Variants in USP8 observed in about 807,000 individuals in gnomAD.
USP8 encodes ubiquitin carboxyl-terminal hydrolase 8.
Under a neutral mutation model 130.0 loss-of-function variants are expected in USP8, and 27 were observed. The observed-to-expected ratio is 0.21, with a 90% confidence interval of 0.15 to 0.29. USP8 has a LOEUF of 0.29. Among genes scored for constraint, USP8 ranks in the 10% least tolerant of loss-of-function variants. The pLI, the probability that USP8 is intolerant of heterozygous loss-of-function variation, is 1.00. For missense variants in USP8, 1,029 were observed against 1,312.2 expected, an observed-to-expected ratio of 0.78 and a Z score of 3.33; for synonymous variants, 392 against 444.1, an observed-to-expected ratio of 0.88 and a Z score of 1.48.
intron 18 of USP8, chr15:50,497,629 G>C (rs1219584948): frequency 6.5e-6 from 1 of 152,774 alleles, no homozygotes; most frequent in African/African-American, 2.4e-5. Flanking sequence ...GATAAAATAT[G>C]TTAACGATAC....
chr15:50,481,375 G>A (rs1406806606), intron 10 of USP8, 106 bp from the exon 11 acceptor site: 1 of 778,206 alleles, frequency 1.3e-6, no homozygotes. Flanking sequence ...GCTGATAGAT[G>A]TTGTCTCCAC....
At chr15:50,494,869 G>C (rs1287573027) in intron 16 of USP8, among the ~76,000 whole-genome samples, 1 of 152,098 alleles carries the variant, frequency 6.6e-6, no homozygotes, top group African/African-American at 2.4e-5. Context: ...ACAAAAATTG[G>C]CTGGGTGTAG....
chr15:50,443,477 GT>G (rs1453798350), intron 3 of USP8, among the ~76,000 whole-genome samples: 2 of 150,966 alleles, frequency 1.3e-5, no homozygotes, highest in Non-Finnish European at 3.0e-5. Flanking sequence ...TAGTTACTAG[GT>G]TTTTTTTGTT....
At chr15:50,436,219 C>A (rs1488420846) in intron 1 of USP8, among the ~76,000 whole-genome samples, 2 of 151,862 alleles carry the variant, frequency 1.3e-5, no homozygotes, top group Non-Finnish European at 2.9e-5. Context: ...CCATGTAGAT[C>A]TTTGTTCATT....
At chr15:50,481,377 T>G in intron 10 of USP8, 104 bp from the exon 11 acceptor site, 5 of 789,560 alleles carry the variant, frequency 6.3e-6, no homozygotes, top group Non-Finnish European at 9.4e-6. Flanking sequence ...TGATAGATGT[T>G]GTCTCCACAA....
rs1390823615 is a variant in USP8 at position 50,511,236 on chromosome 15, C to G, written c.*12148C>G. ...ACCATGACATACCAGTTCATACCTA[C>G]TTTGTATGGGATAGAATAAAAAATG... On this transcript the variant is annotated 3_prime_UTR_variant, in exon 20 of 20. Coordinates refer to ENST00000307179, the MANE Select transcript of USP8 (RefSeq NM_005154.5). 1.3e-5 allele frequency: 2 copies of G among 152,162 alleles called. No homozygotes were observed. The highest frequency in any genetic ancestry group is 3.8e-4 in the East Asian group (2 of 5,200). The allele number at this position is 152,162 out of a possible 1,614,324, so 9.4% of individuals were successfully genotyped here.
chr15:50,435,130 A>G (rs2050056966), intron 1 of USP8, among the ~76,000 whole-genome samples: 1 of 152,182 alleles, frequency 6.6e-6, no homozygotes, highest in Non-Finnish European at 1.5e-5. Flanking sequence ...AATATATTTT[A>G]TGTCAGTCTA....
Position 50,493,742 on chromosome 15 carries a change from T to TATC in USP8, c.2448-327_2448-325dup, listed in dbSNP as rs552762833. Reference sequence around the variant, plus strand: ...CAGCCTGGGTGACAGAATGAGACCCTATCTCAAAAAAGAGTAAAGCCTTCT... The same window carrying TATC: ...CAGCCTGGGTGACAGAATGAGACCCTATCATCTCAAAAAAGAGTAAAGCCTTCT... On this transcript the variant is annotated intron_variant, in intron 15 of 19. Coordinates refer to ENST00000307179, the MANE Select transcript of USP8 (RefSeq NM_005154.5). The TATC allele has an allele frequency of 7.0e-4, 281 of 400,568 alleles. 1 individual carries two copies. The highest frequency in any genetic ancestry group is 1.3e-3 in the Non-Finnish European group (272 of 210,040). 24.8% of individuals were successfully genotyped at this position (400,568 alleles called of 1,614,324 possible). A position where few individuals can be genotyped will look rare whatever the true frequency, so the allele number is the denominator to read the frequency against.
At chr15:50,452,656 G>A (rs11634832) in intron 4 of USP8, among the ~76,000 whole-genome samples, 1 of 152,056 alleles carries the variant, frequency 6.6e-6, no homozygotes, top group Non-Finnish European at 1.5e-5. Context: ...GACTCCCTGG[G>A]TATGGATCCC....
rs779634864 is a variant in USP8 at position 50,471,900 on chromosome 15, GC to G, written c.849+107del. The G allele has an allele frequency of 4.2e-5, 49 of 1,157,666 alleles. No individual in the cohort carries two copies. The East Asian group carries it at 5.5e-4, about 13-fold the overall frequency. The allele number at this position is 1,157,666 out of a possible 1,614,324, so 71.7% of individuals were successfully genotyped here. The stretch of plus-strand genomic sequence containing the variant: ...TCTTAAATACTAAAAGATTCATCAT[GC>G]CTTTTTTTTTTTTTTTTGAGACTGA... On this transcript the variant is annotated intron_variant, in intron 8 of 19. Transcript: ENST00000307179.
Position 50,501,998 on chromosome 15 carries a change from T to G in USP8, c.*2910T>G, listed in dbSNP as rs1247928592. 1 of 152,240 alleles carries G rather than the reference T, an allele frequency of 6.6e-6. No homozygotes were observed. The highest frequency in any genetic ancestry group is 1.5e-5 in the Non-Finnish European group (1 of 68,044). 9.4% of individuals were successfully genotyped at this position (152,240 alleles called of 1,614,324 possible). A position where few individuals can be genotyped will look rare whatever the true frequency, so the allele number is the denominator to read the frequency against. Reference sequence around the variant, plus strand: ...ATGATACAACAGTAAAACTGAATAGTTGCAGCCAATACCATATGGCTTATG... The same window carrying G: ...ATGATACAACAGTAAAACTGAATAGGTGCAGCCAATACCATATGGCTTATG... On this transcript the variant is annotated 3_prime_UTR_variant, in exon 20 of 20. Coordinates refer to ENST00000307179, the MANE Select transcript of USP8 (RefSeq NM_005154.5).
chr15:50,490,044 C>G (rs2052101697), intron 13 of USP8, among the ~76,000 whole-genome samples, 163 bp downstream of exon 13: 1 of 152,096 alleles, frequency 6.6e-6, no homozygotes, highest in Non-Finnish European at 1.5e-5. Flanking sequence ...CAATACCCAA[C>G]CTGAGATGCT....
At position 50,496,085 on chromosome 15, in the gene USP8, G is replaced by GTAAGT. The variant is rs771759595; in HGVS notation, c.2895+3_2895+7dup. 6.3e-7 allele frequency: 1 copy of GTAAGT among 1,597,742 alleles called. No individual in the cohort carries two copies. Among genetic ancestry groups the GTAAGT allele is most frequent in the African/African-American group, 1.3e-5 (1 of 74,352 alleles). On this transcript the variant is annotated splice_donor_variant, in intron 17 of 19. Coordinates refer to ENST00000307179, the MANE Select transcript of USP8 (RefSeq NM_005154.5). LOFTEE classifies it high-confidence loss of function. ...ATCCACAAGTAAATGTACATTACAG[G>GTAAGT]TAAGTTTAAGAAGTAGAGAGAAAAT...
rs1346953645 is a variant in USP8 at position 50,441,233 on chromosome 15, T to C, written c.105-116T>C. On this transcript the variant is annotated intron_variant, in intron 2 of 19. Coordinates refer to ENST00000307179, the MANE Select transcript of USP8 (RefSeq NM_005154.5). Reference sequence around the variant, plus strand: ...ATAACAGGCCGTGAACCAGTACCAATCTGTGGCCCTGGGGTTGGGGATCCC... The same window carrying C: ...ATAACAGGCCGTGAACCAGTACCAACCTGTGGCCCTGGGGTTGGGGATCCC... 4 of 991,096 alleles carry C rather than the reference T, an allele frequency of 4.0e-6. No individual in the cohort carries two copies. The Admixed American group carries it at 1.4e-4, about 34-fold the overall frequency. 61.4% of individuals were successfully genotyped at this position (991,096 alleles called of 1,614,324 possible). A position where few individuals can be genotyped will look rare whatever the true frequency, so the allele number is the denominator to read the frequency against.
Position 50,471,891 on chromosome 15 carries a change from A to T in USP8, c.849+96A>T, listed in dbSNP as rs559533344. ...AGTTGTTTATCTTAAATACTAAAAG[A>T]TTCATCATGCCTTTTTTTTTTTTTT... is the stretch of plus-strand genomic sequence containing the variant. On this transcript the variant is annotated intron_variant, in intron 8 of 19. Coordinates refer to ENST00000307179, the MANE Select transcript of USP8 (RefSeq NM_005154.5). 2.1e-4 allele frequency: 246 copies of T among 1,190,164 alleles called. 3 individuals are homozygous for T. In the South Asian group the frequency reaches 2.8e-3, roughly 14 times the overall value. 73.7% of individuals were successfully genotyped at this position (1,190,164 alleles called of 1,614,324 possible). A position where few individuals can be genotyped will look rare whatever the true frequency, so the allele number is the denominator to read the frequency against.
chr15:50,498,291 T>C (rs891345048), intron 18 of USP8: 1 of 223,810 alleles, frequency 4.5e-6, no homozygotes, highest in African/African-American at 2.3e-5. Flanking sequence ...ATTATAAACA[T>C]GTGGGTCTTA....
At chr15:50,476,756 C>T (rs1004031934) in intron 8 of USP8, 93 bp from the exon 9 acceptor site, 106 of 1,355,112 alleles carry the variant, frequency 7.8e-5, no homozygotes, top group Middle Eastern at 2.4e-4. Flanking sequence ...TAAATTTTGT[C>T]CTTAAGGGAA....
chr15:50,497,405 G>A (rs2052459122), intron 18 of USP8, 174 bp downstream of exon 18: 1 of 618,432 alleles, frequency 1.6e-6, no homozygotes, highest in Non-Finnish European at 2.4e-6. Flanking sequence ...TCACCTCAGT[G>A]TTTTCAGTAC....
chr15:50,445,662 C>T (rs528815896), intron 3 of USP8, among the ~76,000 whole-genome samples: 289 of 149,880 alleles, frequency 1.9e-3, no homozygotes, highest in Admixed American at 4.8e-3. Flanking sequence ...CCAGCCTGGC[C>T]AACATGGTGA....
Sources: gnomAD v4.1 joint callset for allele counts (sites outside exome capture counted in the v4.1 genomes callset) on GRCh38, gnomAD v4.1.1 for gene constraint, MANE v1.5 for transcripts, NCBI Gene and HGNC (gene_info 2026-07-23, HGNC 2026-07-21) for gene names.